The following AGRN variants were observed in gnomAD, a reference collection of about 807,000 sequenced individuals.
AGRN encodes agrin proteoglycan.
Under a neutral mutation model 211.0 loss-of-function variants are expected in AGRN, and 106 were observed. The observed-to-expected ratio is 0.50, with a 90% CI of 0.43 to 0.59. AGRN has a LOEUF of 0.59. Ranked by LOEUF, AGRN falls within the 20% of genes least tolerant of loss-of-function variation. The pLI is 0.00. For synonymous variants in AGRN, 1,525 were observed against 1,332.5 expected, an observed-to-expected ratio of 1.14 and a Z score of -3.15; for missense variants, 3,040 against 2,982.6, an observed-to-expected ratio of 1.02 and a Z score of -0.45.
At chr1:1,054,347 C>T in intron 34 of AGRN, 101 bp from the exon 35 acceptor site, 1 of 1,136,724 alleles carries the variant, frequency 8.8e-7, no homozygotes, top group Admixed American at 2.0e-5. Context: ...GTTCTCCAGG[C>T]TGAGGCACCT....
In AGRN at chr1:1,051,769, T is replaced by C; in HGVS notation, c.5605T>C (p.Phe1869Leu). The change falls in exon 33 of 36, where the codon TTT becomes CTT. Residue 1869 changes from phenylalanine to leucine, a missense_variant. Phe to Leu is a conservative substitution (Grantham distance 22). Coordinates refer to ENST00000379370, the MANE Select transcript of AGRN (RefSeq NM_198576.4). ...KSAGDVDTLA[F>L]DGRTFVEYLN... ...AGCGGGGGACGTGGATACCTTGGCC[T>C]TTGACGGGCGGACCTTTGTCGAGTA... The C allele has an allele frequency of 1.9e-6, 3 of 1,613,848 alleles. No individual in the cohort carries two copies. Among genetic ancestry groups the C allele is most frequent in the Non-Finnish European group, 2.5e-6 (3 of 1,179,982 alleles).
chr1:1,053,727 GC>G, intron 33 of AGRN, 25 bp from the exon 34 acceptor site: 1 of 1,572,330 alleles, frequency 6.4e-7, no homozygotes, highest in Non-Finnish European at 8.6e-7. Context: ...CTTCCTAGAG[GC>G]CCTGACCTGC....
chr1:1,041,622 ACGACTGTGTCATGGGC>A lies in AGRN; in HGVS notation c.1101_1116del (p.Cys368ArgfsTer109). ...GGGGACGACGGAGTCACCTACGAAA[ACGACTGTGTCATGGGC>A]CGATCGGGGGCCGCCCGGGGTCTCC... On this transcript the variant is annotated frameshift_variant, in exon 6 of 36. Transcript: ENST00000379370. LOFTEE classifies it high-confidence loss of function. The A allele has an allele frequency of 1.9e-6, 3 of 1,610,964 alleles. No individual in the cohort carries two copies. Among genetic ancestry groups the A allele is most frequent in the Non-Finnish European group, 2.5e-6 (3 of 1,179,088 alleles).
chr1:1,051,866 G>T (rs374204673), intron 33 of AGRN, 51 bp downstream of exon 33: 3 of 1,605,766 alleles, frequency 1.9e-6, no homozygotes, highest in Non-Finnish European at 2.6e-6. Context: ...CCCTCGGGGC[G>T]GGACACCGGA....
Position 1,055,501 on chromosome 1 carries a change from C to A in AGRN, c.*520C>A. The A allele has an allele frequency of 4.5e-6, 1 of 222,620 alleles. No individual in the cohort carries two copies. Among genetic ancestry groups the A allele is most frequent in the Non-Finnish European group, 9.1e-6 (1 of 110,202 alleles). The allele number at this position is 222,620 out of a possible 1,614,324, so 13.8% of individuals were successfully genotyped here. A position where few individuals can be genotyped will look rare whatever the true frequency, so the allele number is the denominator to read the frequency against. On this transcript the variant is annotated 3_prime_UTR_variant, in exon 36 of 36. Transcript: ENST00000379370. ...TGCTGGGCACAGCTCTGCGTTGCTC[C>A]CGTGCTGCCTGCGCCAGCCCCAGGC... is the stretch of plus-strand genomic sequence containing the variant.
At chr1:1,051,160 A>C in intron 30 of AGRN, 93 bp from the exon 31 acceptor site, 1 of 666,690 alleles carries the variant, frequency 1.5e-6, no homozygotes, top group Non-Finnish European at 2.6e-6. Flanking sequence ...TAGATAGGCA[A>C]TGGGCGGGTG....
rs1228299381 is a variant in AGRN at position 1,022,465 on chromosome 1, G to A, written c.463+3G>A. ...GGAGGTGGAGTTCTGTGTGGAAGGT[G>A]CGTGGTGGGGGGCTCGTGTGGGGGC... is the stretch of plus-strand genomic sequence containing the variant. On this transcript the variant is annotated splice_donor_region_variant and intron_variant, in intron 2 of 35. Transcript: ENST00000379370. The A allele has an allele frequency of 6.2e-7, 1 of 1,605,230 alleles. No individual in the cohort carries two copies. The highest frequency in any genetic ancestry group is 8.5e-7 in the Non-Finnish European group (1 of 1,174,258).
rs1321159507 is a variant in AGRN, at chr1:1,022,473, G to T, written c.463+11G>T. 3.1e-6 allele frequency: 5 copies of T among 1,601,606 alleles called. No individual in the cohort carries two copies. The East Asian group carries it at 9.0e-5, about 29-fold the overall frequency. ...AGTTCTGTGTGGAAGGTGCGTGGTG[G>T]GGGGCTCGTGTGGGGGCCTGTGGGG... On this transcript the variant is annotated intron_variant, in intron 2 of 35. Coordinates refer to ENST00000379370, the MANE Select transcript of AGRN (RefSeq NM_198576.4).
At position 1,054,430 on chromosome 1, in the gene AGRN, C is replaced by G. The variant is rs374983597; in HGVS notation, c.5877-18C>G. 1.3e-6 allele frequency: 2 copies of G among 1,558,282 alleles called. No individual in the cohort carries two copies. The highest frequency in any genetic ancestry group is 8.7e-7 in the Non-Finnish European group (1 of 1,148,624). ...GGAACTCTGGGCCCTGATGGTCTCC[C>G]CCTCCCTGCACACCCAGGGAGCAGA... is the stretch of plus-strand genomic sequence containing the variant. On this transcript the variant is annotated intron_variant, in intron 34 of 35. Coordinates refer to ENST00000379370, the MANE Select transcript of AGRN (RefSeq NM_198576.4).
chr1:1,035,258 G>A lies in AGRN; in HGVS notation c.464-19G>A. 3 of 1,613,006 alleles carry A rather than the reference G, an allele frequency of 1.9e-6. No homozygotes were observed. The highest frequency in any genetic ancestry group is 2.5e-6 in the Non-Finnish European group (3 of 1,179,968). On this transcript the variant is annotated intron_variant, in intron 2 of 35. Transcript: ENST00000379370. ...AGCCTGCTCAGAGGAGCCTAACTTGGGGATTTGTTTTCTTCCAGATAAACC... is the reference window on the plus strand; with the variant it reads ...AGCCTGCTCAGAGGAGCCTAACTTGAGGATTTGTTTTCTTCCAGATAAACC...
chr1:1,034,496 G>A (rs1644752820), intron 2 of AGRN: 3 of 985,702 alleles, frequency 3.0e-6, no homozygotes, highest in Admixed American at 1.2e-4. Flanking sequence ...GAGGCCCAAG[G>A]GCACCCCGTG....
intron 31 of AGRN, 29 bp downstream of exon 31, chr1:1,051,398 G>T: frequency 2.7e-6 from 4 of 1,505,660 alleles, no homozygotes; most frequent in South Asian, 1.2e-5. Context: ...TCCCAGCAGG[G>T]CCTCCGGGGC....
In AGRN at chr1:1,053,857, T is replaced by C. The variant is rs772505983; in HGVS notation, c.5756T>C (p.Val1919Ala). The C allele has an allele frequency of 6.2e-7, 1 of 1,610,664 alleles. No homozygotes were observed. Among genetic ancestry groups the C allele is most frequent in the Non-Finnish European group, 8.5e-7 (1 of 1,179,156 alleles). Residue 1919 changes from valine to alanine, a missense_variant, in exon 34 of 36, where the codon GTG becomes GCG. Val to Ala is a moderately conservative substitution (Grantham distance 64, BLOSUM62 0). Coordinates refer to ENST00000379370, the MANE Select transcript of AGRN (RefSeq NM_198576.4). ...SGKATERADYVALAIVDGHLQ... is the reference protein window; with the variant it reads ...SGKATERADYAALAIVDGHLQ... ...AAGGCCACGGAGCGGGCAGACTATGTGGCACTGGCCATTGTGGACGGGCAC... is the reference window on the plus strand; with the variant it reads ...AAGGCCACGGAGCGGGCAGACTATGCGGCACTGGCCATTGTGGACGGGCAC...
intron 2 of AGRN, among the ~76,000 whole-genome samples, chr1:1,028,654 G>T (rs1295639044): frequency 2.6e-5 from 2 of 76,874 alleles, no homozygotes; most frequent in Non-Finnish European, 5.4e-5. Flanking sequence ...CCAGCCCCTC[G>T]TGGGCCAAGG....
Position 1,038,674 on chromosome 1 carries a change from C to T in AGRN, c.512-1991C>T, listed in dbSNP as rs564095820. Among the ~76,000 whole-genome samples, 8 of 152,298 alleles carry T rather than the reference C, an allele frequency of 5.3e-5. No homozygotes were observed. In the South Asian group the frequency reaches 1.7e-3, roughly 32 times the overall value. ...GGAGAAAGGCTCAGGAGCCCTGGTGCAGGGAGGTGACTGGGTCCTTGGCCA... is the reference window on the plus strand; with the variant it reads ...GGAGAAAGGCTCAGGAGCCCTGGTGTAGGGAGGTGACTGGGTCCTTGGCCA... On this transcript the variant is annotated intron_variant, in intron 3 of 35. Coordinates refer to ENST00000379370, the MANE Select transcript of AGRN (RefSeq NM_198576.4).
intron 30 of AGRN, chr1:1,051,040 C>A (rs1219175300): frequency 1.9e-6 from 3 of 1,549,014 alleles, no homozygotes; most frequent in Non-Finnish European, 1.7e-6. Context: ...AGAAATCCCG[C>A]AAGGTACTGT....
chr1:1,048,624 G>T lies in AGRN; in HGVS notation c.4106-243G>T. The T allele has an allele frequency of 1.7e-6, 1 of 598,400 alleles. No homozygotes were observed. 37.1% of individuals were successfully genotyped at this position (598,400 alleles called of 1,614,324 possible). Reference sequence around the variant, plus strand: ...TGTCTCTACTAAAAATACAAAATTAGCCGGGCGTGGTGGTGGGCGCCTGTA... The same window carrying T: ...TGTCTCTACTAAAAATACAAAATTATCCGGGCGTGGTGGTGGGCGCCTGTA... On this transcript the variant is annotated intron_variant, in intron 23 of 35. Coordinates refer to ENST00000379370, the MANE Select transcript of AGRN (RefSeq NM_198576.4). The surrounding 1 kb of genome is among the most constrained non-coding windows in gnomAD (Gnocchi z 5.9).
In AGRN at chr1:1,043,339, G is replaced by C. The variant is rs778442558; in HGVS notation, c.1485G>C (p.Ser495=). 3 of 1,610,224 alleles carry C rather than the reference G, an allele frequency of 1.9e-6. No individual in the cohort carries two copies. The South Asian group carries it at 3.3e-5, about 18-fold the overall frequency. ...CGTGTGAATGCCTGCAGGCGTGCTC[G>C]AGCCTCTACGATCCTGTGTGCGGCA... is the stretch of plus-strand genomic sequence containing the variant. ...QAACECLQAC[S]SLYDPVCGSD... is the part of the protein sequence containing the mutation. Residue 495 remains serine (S), a synonymous_variant, in exon 8 of 36, where the codon TCG becomes TCC. Coordinates refer to ENST00000379370, the MANE Select transcript of AGRN (RefSeq NM_198576.4).
At chr1:1,036,655 G>A (rs1335899237) in intron 3 of AGRN, among the ~76,000 whole-genome samples, 1 of 152,108 alleles carries the variant, frequency 6.6e-6, no homozygotes, top group African/African-American at 2.4e-5. Flanking sequence ...CTACCCCTGG[G>A]CTCTAGCCCT....
Sources: gnomAD v4.1 joint callset for allele counts (sites outside exome capture counted in the v4.1 genomes callset) on GRCh38, gnomAD v4.1.1 for gene constraint, Gnocchi (gnomAD v3.1) non-coding constraint, MANE v1.5 for transcripts, NCBI Gene and HGNC (gene_info 2026-07-23, HGNC 2026-07-21) for gene names.